MCF2L: variants seen among roughly 807,000 people sequenced by gnomAD.
MCF2L encodes guanine nucleotide exchange factor DBS.
In MCF2L, 97 loss-of-function variants were observed where a neutral mutation model predicts 153.4. The ratio of observed to expected loss-of-function variants is 0.63; its 90% CI spans 0.54 to 0.75. MCF2L has a LOEUF of 0.75. Ranked by LOEUF, MCF2L falls within the 30% of genes least tolerant of loss-of-function variation. MCF2L has a pLI of 0.00. For synonymous variants in MCF2L, 659 were observed against 632.2 expected, an observed-to-expected ratio of 1.04 and a Z score of -0.64; for missense variants, 1,347 against 1,495.2, an observed-to-expected ratio of 0.90 and a Z score of 1.64.
chr13:112,937,993 T>TCTC (rs2081535910), intron 2 of MCF2L, among the ~76,000 whole-genome samples: 1 of 5,854 alleles, frequency 1.7e-4, no homozygotes, highest in Non-Finnish European at 3.7e-4. Flanking sequence ...TGAGCGCTAA[T>TCTC]TGGTTGGTTC....
Position 113,088,584 on chromosome 13 carries a change from G to T in MCF2L, c.2790G>T (p.Leu930=). 6.2e-7 allele frequency: 1 copy of T among 1,610,422 alleles called. No homozygotes were observed. ...ACREASQHRA[L]EQSQSLPLPA... ...CAGAAGCCAGCCAGCACCGGGCGCT[G>T]GAGCAGTCACAGAGCCTGCCCCTGC... The change falls in exon 25 of 30, where the codon CTG becomes CTT. Residue 930 remains leucine, a synonymous_variant. Transcript: ENST00000535094.
chr13:112,981,742 C>T (rs768610708), intron 1 of MCF2L, among the ~76,000 whole-genome samples: 16 of 152,218 alleles, frequency 1.1e-4, no homozygotes, highest in African/African-American at 3.9e-4. Flanking sequence ...TCAGGCCGGG[C>T]GGTGCGGGTG....
chr13:112,978,837 G>T (rs921749008), intron 1 of MCF2L, among the ~76,000 whole-genome samples: 4 of 152,310 alleles, frequency 2.6e-5, no homozygotes, highest in African/African-American at 7.2e-5. Flanking sequence ...AGTTAAAATG[G>T]CACTAGGCCA....
intron 4 of MCF2L, among the ~76,000 whole-genome samples, chr13:113,049,146 C>T (rs2087037656): frequency 6.6e-6 from 1 of 152,216 alleles, no homozygotes; most frequent in Admixed American, 6.5e-5. Flanking sequence ...GAGCTCACAG[C>T]CCTGGTTTCA....
rs149849745 is a variant in MCF2L, at chr13:113,075,033, C to T, written c.1152C>T (p.Asp384=). 8.7e-4 allele frequency: 1,402 copies of T among 1,611,136 alleles called. 3 individuals are homozygous for T. Among genetic ancestry groups the T allele is most frequent in the South Asian group, 1.3e-3 (120 of 90,958 alleles). The change falls in exon 11 of 30, where the codon GAC becomes GAT. Residue 384 remains aspartate, a synonymous_variant. Transcript: ENST00000535094. ...AVERARALSL[D]GEQLIGNKHY... ...AGAGGGCCCGGGCCCTGTCTCTGGA[C>T]GGCGAGCAGCTCATTGGGAACAAGC...
chr13:113,069,982 G>A (rs1016811200), intron 8 of MCF2L, 77 bp from the exon 9 acceptor site: 3 of 945,742 alleles, frequency 3.2e-6, no homozygotes, highest in Non-Finnish European at 4.9e-6. Context: ...CCTTGGGGTC[G>A]CTTGAACACC....
intron 2 of MCF2L, among the ~76,000 whole-genome samples, chr13:112,926,406 T>C (rs945150268): frequency 2.0e-5 from 3 of 151,868 alleles, no homozygotes; most frequent in Non-Finnish European, 2.9e-5. Context: ...CTGGTCTACA[T>C]ATACAGCGGA....
intron 2 of MCF2L, among the ~76,000 whole-genome samples, chr13:112,962,691 C>T (rs1234132225): frequency 6.6e-6 from 1 of 152,216 alleles, no homozygotes; most frequent in Non-Finnish European, 1.5e-5. Flanking sequence ...GCTCCCTAGC[C>T]GTTCTCCCGG....
upstream of MCF2L, chr13:112,967,874 T>A (rs919007815): frequency 2.4e-5 from 4 of 168,060 alleles, no homozygotes; most frequent in Non-Finnish European, 5.1e-5. Context: ...GGAATGCTGG[T>A]GCATTGTTGC....
chr13:112,914,588 C>T (rs1392044038), intron 2 of MCF2L, among the ~76,000 whole-genome samples: 1 of 152,208 alleles, frequency 6.6e-6, no homozygotes, highest in African/African-American at 2.4e-5. Flanking sequence ...ATCATGGGAG[C>T]GGCTCCCTGC....
intron 1 of MCF2L, among the ~76,000 whole-genome samples, chr13:112,972,322 T>C (rs947955325): frequency 2.7e-5 from 4 of 149,008 alleles, no homozygotes; most frequent in African/African-American, 1.0e-4. Context: ...GATGGATGGA[T>C]GGATGGATGA....
chr13:113,063,580 A>C (rs891229396), intron 5 of MCF2L, among the ~76,000 whole-genome samples: 2 of 152,196 alleles, frequency 1.3e-5, no homozygotes, highest in Admixed American at 1.3e-4. Flanking sequence ...TTGGCTTTGC[A>C]AGCAGTCAGA....
At chr13:112,895,679 G>A (rs1352403888) in intron 1 of MCF2L, among the ~76,000 whole-genome samples, 1 of 152,162 alleles carries the variant, frequency 6.6e-6, no homozygotes, top group Admixed American at 6.5e-5. Context: ...TCCCAGGGGG[G>A]CAGTGAGGAC....
intron 2 of MCF2L, among the ~76,000 whole-genome samples, chr13:112,959,153 G>A (rs1184376620): frequency 2.6e-5 from 4 of 152,292 alleles, no homozygotes; most frequent in Admixed American, 2.0e-4. Flanking sequence ...TACCAATTCT[G>A]CTTGTTCAAG....
At chr13:112,894,663 G>T (rs941200488) in intron 1 of MCF2L, among the ~76,000 whole-genome samples, 1 of 152,150 alleles carries the variant, frequency 6.6e-6, no homozygotes, top group African/African-American at 2.4e-5. Context: ...GGCGCCTGGG[G>T]GGCTCGAAAT....
chr13:112,906,078 G>A (rs748945564), intron 2 of MCF2L, among the ~76,000 whole-genome samples: 1 of 152,180 alleles, frequency 6.6e-6, no homozygotes. Flanking sequence ...GTCCTGCTGG[G>A]TAAACATTGA....
Position 113,064,382 on chromosome 13 carries a change from C to T in MCF2L, c.568C>T (p.Leu190=), listed in dbSNP as rs767238523. The part of the protein sequence containing the change: ...SQLTEDLGGT[L]DYCHSRWLCQ... ...GCTGACCGAGGACCTGGGTGGGACCCTGGACTACTGCCACTCCCGGTGGCT... is the reference window on the plus strand; with the variant it reads ...GCTGACCGAGGACCTGGGTGGGACCTTGGACTACTGCCACTCCCGGTGGCT... The change falls in exon 6 of 30, where the codon CTG becomes TTG. Residue 190 remains leucine (L), a synonymous_variant. Coordinates refer to ENST00000535094, the MANE Select transcript of MCF2L (RefSeq NM_001112732.3). This position sits in a 1 kb window ranked among gnomAD's most constrained non-coding sequence, Gnocchi z 6.0. 1.2e-6 allele frequency: 2 copies of T among 1,612,790 alleles called. No homozygotes were observed. The highest frequency in any genetic ancestry group is 1.1e-5 in the South Asian group (1 of 91,086).
At chr13:112,996,188 C>T (rs2083122770) in intron 1 of MCF2L, among the ~76,000 whole-genome samples, 1 of 152,176 alleles carries the variant, frequency 6.6e-6, no homozygotes, top group Non-Finnish European at 1.5e-5. Context: ...GTAGGCCAGG[C>T]TTGGAGGCGT....
rs537606480 is a variant in MCF2L, at chr13:113,097,678, C to T, written c.*819C>T. The stretch of plus-strand genomic sequence containing the variant: ...CTTTTCTACAAAAAAAATGCAGGGA[C>T]TTGATTTTTTTAAAGAGCTTCACTG... On this transcript the variant is annotated 3_prime_UTR_variant, in exon 30 of 30. Coordinates refer to ENST00000535094, the MANE Select transcript of MCF2L (RefSeq NM_001112732.3). 7.2e-5 allele frequency: 11 copies of T among 152,162 alleles called. No individual in the cohort carries two copies. The highest frequency in any genetic ancestry group is 1.2e-4 in the Non-Finnish European group (8 of 68,020). The allele number at this position is 152,162 out of a possible 1,614,324, so 9.4% of individuals were successfully genotyped here.
Sources: gnomAD v4.1 joint callset for allele counts (sites outside exome capture counted in the v4.1 genomes callset) on GRCh38, gnomAD v4.1.1 for gene constraint, Gnocchi (gnomAD v3.1) non-coding constraint, MANE v1.5 for transcripts, NCBI Gene and HGNC (gene_info 2026-07-23, HGNC 2026-07-21) for gene names.